The following TERT variants were observed in gnomAD, a reference collection of about 807,000 sequenced individuals.
The protein encoded by TERT is telomerase catalytic subunit.
Under a neutral mutation model 104.0 loss-of-function variants are expected in TERT, and 42 were observed. The ratio of observed to expected loss-of-function variants is 0.40; its 90% CI spans 0.32 to 0.52. The LOEUF is 0.52. Ranked by LOEUF, TERT falls within the 20% of genes least tolerant of loss-of-function variation. The pLI is 0.43. For synonymous variants in TERT, 781 were observed against 725.6 expected (o/e 1.08, Z -1.23); for missense variants, 1,101 against 1,610.3 (o/e 0.68, Z 5.41).
chr5:1,268,314 C>T lies in TERT; in HGVS notation c.2582+206G>A, dbSNP rs1466704146. Among the ~76,000 whole-genome samples, 3 of 152,228 alleles carry T rather than the reference C, an allele frequency of 2.0e-5. No homozygotes were observed. Among genetic ancestry groups the T allele is most frequent in the East Asian group, 3.8e-4 (2 of 5,202 alleles). On this transcript the variant is annotated intron_variant, in intron 9 of 15. Transcript: ENST00000310581. This position sits in a 1 kb window ranked among gnomAD's most constrained non-coding sequence, Gnocchi z 5.5. ...GAGCCCTGAGGCCTCTGGACATGGC[C>T]GCTGGACAGAGCCTGCGTGGAGCCC...
Position 1,294,418 on chromosome 5 carries a change from G to T in TERT, c.468C>A (p.Cys156Ter). Residue 156 changes from cysteine to a stop codon, truncating the protein, a stop_gained, in exon 2 of 16, where the codon TGC becomes TGA. Coordinates refer to ENST00000310581, the MANE Select transcript of TERT (RefSeq NM_198253.3). LOFTEE classifies it high-confidence loss of function. ...DDVLVHLLARCALFVLVAPSC... is the reference protein window; with the variant it reads ...DDVLVHLLAR Reference sequence around the variant, plus strand: ...TGGGAGCCACCAGCACAAAGAGCGCGCAGCGTGCCAGCAGGTGAACCAGCA... The same window carrying T: ...TGGGAGCCACCAGCACAAAGAGCGCTCAGCGTGCCAGCAGGTGAACCAGCA... 6.3e-7 allele frequency: 1 copy of T among 1,590,360 alleles called. No homozygotes were observed. The highest frequency in any genetic ancestry group is 8.5e-7 in the Non-Finnish European group (1 of 1,176,258).
intron 2 of TERT, among the ~76,000 whole-genome samples, chr5:1,291,289 TGG>T (rs1334717975): frequency 9.3e-5 from 6 of 64,482 alleles, no homozygotes; most frequent in South Asian, 9.1e-4. Flanking sequence ...ACCCTACACC[TGG>T]GAGGGACACC....
intron 2 of TERT, among the ~76,000 whole-genome samples, chr5:1,290,378 C>G (rs1313402990): frequency 4.7e-5 from 3 of 63,950 alleles, no homozygotes; most frequent in Admixed American, 1.6e-4. Context: ...ACAGGGACAC[C>G]CGGGGACGGC....
At chr5:1,281,767 A>G (rs1423485897) in intron 3 of TERT, among the ~76,000 whole-genome samples, 1 of 152,194 alleles carries the variant, frequency 6.6e-6, no homozygotes, top group African/African-American at 2.4e-5. Context: ...CAATAGATTG[A>G]AGATTCATAC....
chr5:1,255,498 G>A lies in TERT; in HGVS notation c.3033-87C>T, dbSNP rs1439815388. The A allele has an allele frequency of 6.4e-7, 1 of 1,560,984 alleles. No individual in the cohort carries two copies. On this transcript the variant is annotated intron_variant, in intron 13 of 15. Coordinates refer to ENST00000310581, the MANE Select transcript of TERT (RefSeq NM_198253.3). This position sits in a 1 kb window ranked among gnomAD's most constrained non-coding sequence, Gnocchi z 6.9. Reference sequence around the variant, plus strand: ...TGGGCATGGGCCCACCGGTGCCTGTGTGCGTGCATGAATGCACATGCATGG... The same window carrying A: ...TGGGCATGGGCCCACCGGTGCCTGTATGCGTGCATGAATGCACATGCATGG...
At chr5:1,276,760 A>G (rs1336473682) in intron 6 of TERT, among the ~76,000 whole-genome samples, 1 of 152,260 alleles carries the variant, frequency 6.6e-6, no homozygotes, top group Non-Finnish European at 1.5e-5. Context: ...AAGGAGGCGC[A>G]GAAGCAACGT....
At position 1,274,555 on chromosome 5, in the gene TERT, C is replaced by T. The variant is rs1248672288; in HGVS notation, c.2287-2275G>A. Among the ~76,000 whole-genome samples the T allele has an allele frequency of 6.6e-6, 1 of 152,148 alleles. No homozygotes were observed. Among genetic ancestry groups the T allele is most frequent in the Non-Finnish European group, 1.5e-5 (1 of 68,034 alleles). On this transcript the variant is annotated intron_variant, in intron 6 of 15. Coordinates refer to ENST00000310581, the MANE Select transcript of TERT (RefSeq NM_198253.3). This position sits in a 1 kb window ranked among gnomAD's most constrained non-coding sequence, Gnocchi z 5.3. The stretch of plus-strand genomic sequence containing the variant: ...CCTCAGATCATCAGGCATTAGATTC[C>T]CATAAGGAGCACAGAATCTAGACCC...
chr5:1,264,730 G>A (rs1226189883), intron 10 of TERT, 138 bp from the exon 11 acceptor site: 15 of 1,007,986 alleles, frequency 1.5e-5, no homozygotes, highest in Non-Finnish European at 2.2e-5. Flanking sequence ...CAGGAGCTCT[G>A]AGGAGCCTGG....
chr5:1,260,335 C>A (rs34693615), intron 12 of TERT, 139 bp downstream of exon 12: 2 of 1,338,348 alleles, frequency 1.5e-6, no homozygotes, highest in East Asian at 2.3e-5. Flanking sequence ...TATGTGCTCA[C>A]GTGTATATGC....
chr5:1,276,547 GAAAACCAATCCCACCTACCCCACACATA>G (rs1280985188), intron 6 of TERT, among the ~76,000 whole-genome samples: 3 of 126,122 alleles, frequency 2.4e-5, no homozygotes, highest in Admixed American at 9.0e-5. Context: ...CCCCGCACAT[GAAAACCAATCCCACCTACCCCACACATA>G]AAAACCAATC....
In TERT at chr5:1,278,607, C is replaced by A. The variant is rs763556085; in HGVS notation, c.2286+34G>T. ...GACACATTCATATCCCAGAGACACA[C>A]ATCCTGGACACGACTATCACACGTG... On this transcript the variant is annotated intron_variant, in intron 6 of 15. Transcript: ENST00000310581. 115 of 1,613,698 alleles carry A rather than the reference C, an allele frequency of 7.1e-5. No homozygotes were observed. The South Asian group carries it at 1.2e-3, about 17-fold the overall frequency.
rs1751064675 is a variant in TERT at position 1,292,586 on chromosome 5, C to G, written c.1573+727G>C. Among the ~76,000 whole-genome samples the G allele has an allele frequency of 6.6e-6, 1 of 152,110 alleles. No homozygotes were observed. The highest frequency in any genetic ancestry group is 1.5e-5 in the Non-Finnish European group (1 of 68,032). The stretch of plus-strand genomic sequence containing the variant: ...GGAGTACAATGGCACAATCTCAGCT[C>G]ACTGCAGCCTCCGCCTCCTGGGTTC... On this transcript the variant is annotated intron_variant, in intron 2 of 15. Transcript: ENST00000310581. The surrounding 1 kb of genome is among the most constrained non-coding windows in gnomAD (Gnocchi z 5.5).
rs1579597129 is a variant in TERT, at chr5:1,293,887, G to A, written c.999C>T (p.Tyr333=). 1 of 1,543,384 alleles carries A rather than the reference G, an allele frequency of 6.5e-7. No individual in the cohort carries two copies. The highest frequency in any genetic ancestry group is 8.7e-7 in the Non-Finnish European group (1 of 1,146,980). The change falls in exon 2 of 16, where the codon TAC becomes TAT. Residue 333 remains tyrosine, a synonymous_variant. Transcript: ENST00000310581. The part of the protein sequence containing the change: ...PVYAETKHFL[Y]SSGDKEQLRP... ...GCAGCTGCTCCTTGTCGCCTGAGGA[G>A]TAGAGGAAGTGCTTGGTCTCGGCGT... is the stretch of plus-strand genomic sequence containing the variant.
chr5:1,258,747 G>A, intron 12 of TERT, 88 bp from the exon 13 acceptor site: 2 of 1,085,804 alleles, frequency 1.8e-6, no homozygotes, highest in Non-Finnish European at 2.8e-6. Context: ...CATTCAGATG[G>A]AACAAGAAAG....
Position 1,260,431 on chromosome 5 carries a change from C to A in TERT, c.2970+43G>T, listed in dbSNP as rs551883855. 2.5e-6 allele frequency: 4 copies of A among 1,612,848 alleles called. No homozygotes were observed. The East Asian group carries it at 6.7e-5, about 27-fold the overall frequency. On this transcript the variant is annotated intron_variant, in intron 12 of 15. Transcript: ENST00000310581. ...ACACACACACATACTTGCGCACACA[C>A]CTCCTGAACTCTGAACTCTGTGCTG...
intron 3 of TERT, among the ~76,000 whole-genome samples, 176 bp from the exon 4 acceptor site, chr5:1,280,514 GC>G (rs1324852303): frequency 1.3e-5 from 2 of 152,180 alleles, no homozygotes; most frequent in African/African-American, 4.8e-5. Flanking sequence ...GCCTCTGAGA[GC>G]CCCTCTACTT....
At chr5:1,259,782 C>T (rs547641527) in intron 12 of TERT, among the ~76,000 whole-genome samples, 26 of 138,932 alleles carry the variant, frequency 1.9e-4, no homozygotes, top group African/African-American at 6.4e-4. Flanking sequence ...ACACAGACGC[C>T]CACAGGAGAG....
At position 1,268,262 on chromosome 5, in the gene TERT, T is replaced by C. The variant is rs1433671856; in HGVS notation, c.2582+258A>G. 6.6e-6 allele frequency among the ~76,000 whole-genome samples: 1 copy of C among 152,224 alleles called. No homozygotes were observed. The highest frequency in any genetic ancestry group is 6.5e-5 in the Admixed American group (1 of 15,290). Reference sequence around the variant, plus strand: ...CGGTGTTGAATTCACATGCTCATCATGCAGGGCAGCGGCCCTCCCGCCTGC... The same window carrying C: ...CGGTGTTGAATTCACATGCTCATCACGCAGGGCAGCGGCCCTCCCGCCTGC... On this transcript the variant is annotated intron_variant, in intron 9 of 15. Coordinates refer to ENST00000310581, the MANE Select transcript of TERT (RefSeq NM_198253.3). The surrounding 1 kb of genome is among the most constrained non-coding windows in gnomAD (Gnocchi z 5.5).
chr5:1,262,900 C>T lies in TERT; in HGVS notation c.2843+1504G>A, dbSNP rs371104547. The stretch of plus-strand genomic sequence containing the variant: ...GCACTGCAGAGGTGCCTGGGAGAGG[C>T]GAAGAGGTGCTGGGAGCCCAGGAAA... On this transcript the variant is annotated intron_variant, in intron 11 of 15. Transcript: ENST00000310581. The surrounding 1 kb of genome is among the most constrained non-coding windows in gnomAD (Gnocchi z 5.6). 1.2e-4 allele frequency among the ~76,000 whole-genome samples: 18 copies of T among 152,234 alleles called. No individual in the cohort carries two copies. The highest frequency in any genetic ancestry group is 1.0e-3 in the South Asian group (5 of 4,810).
Sources: allele counts gnomAD v4.1 joint callset (sites outside exome capture counted in the v4.1 genomes callset), GRCh38; gene constraint gnomAD v4.1.1; non-coding constraint Gnocchi (gnomAD v3.1); transcripts MANE v1.5; gene names NCBI Gene and HGNC (gene_info 2026-07-23, HGNC 2026-07-21).